RB1CC1: variants seen among roughly 807,000 people sequenced by gnomAD.
RB1CC1 encodes RB1-inducible coiled-coil protein 1.
A neutral mutation model predicts 177.5 loss-of-function variants in RB1CC1; 46 were observed. The observed-to-expected ratio is 0.26, with a 90% CI of 0.20 to 0.33. RB1CC1 has a LOEUF of 0.33. RB1CC1 is among the 10% of genes least tolerant of loss of function. The pLI is 1.00. For missense variants in RB1CC1, 1,703 were observed against 1,816.3 expected, an observed-to-expected ratio of 0.94 and a Z score of 1.13; for synonymous variants, 666 against 613.6, an observed-to-expected ratio of 1.09 and a Z score of -1.26.
At chr8:52,676,778 G>C (rs1853169398) in intron 5 of RB1CC1, among the ~76,000 whole-genome samples, 1 of 152,190 alleles carries the variant, frequency 6.6e-6, no homozygotes, top group African/African-American at 2.4e-5. Flanking sequence ...GGTATCCTAA[G>C]AGACAGTCAA....
chr8:52,648,284 G>A (rs945489668), intron 15 of RB1CC1, among the ~76,000 whole-genome samples: 57 of 152,308 alleles, frequency 3.7e-4, no homozygotes, highest in African/African-American at 1.3e-3. Context: ...TCTTGTGGCT[G>A]TATTAATCCG....
At chr8:52,682,158 T>A (rs1464519245) in intron 5 of RB1CC1, among the ~76,000 whole-genome samples, 4 of 152,140 alleles carry the variant, frequency 2.6e-5, no homozygotes, top group African/African-American at 9.7e-5. Context: ...GGAACCCACC[T>A]CTTGTATTAG....
In RB1CC1 at chr8:52,622,545, T is replaced by C. The variant is rs1848130637; in HGVS notation, c.*1237A>G. The C allele has an allele frequency of 6.6e-6, 1 of 151,990 alleles. No homozygotes were observed. The highest frequency in any genetic ancestry group is 1.5e-5 in the Non-Finnish European group (1 of 67,602). The allele number at this position is 151,990 out of a possible 1,614,324, so 9.4% of individuals were successfully genotyped here. A position where few individuals can be genotyped will look rare whatever the true frequency, so the allele number is the denominator to read the frequency against. On this transcript the variant is annotated 3_prime_UTR_variant, in exon 24 of 24. Coordinates refer to ENST00000025008, the MANE Select transcript of RB1CC1 (RefSeq NM_014781.5). Reference sequence around the variant, plus strand: ...TTATTCCATTTTGTACTATTAGATATACATATTTAAAAAAATATTTAACTT... The same window carrying C: ...TTATTCCATTTTGTACTATTAGATACACATATTTAAAAAAATATTTAACTT...
At position 52,644,942 on chromosome 8, in the gene RB1CC1, T is replaced by C. The variant is rs987239038; in HGVS notation, c.3987+760A>G. Among the ~76,000 whole-genome samples the C allele has an allele frequency of 5.9e-5, 9 of 152,302 alleles. No individual in the cohort carries two copies. The South Asian group carries it at 8.3e-4, about 14-fold the overall frequency. On this transcript the variant is annotated intron_variant, in intron 16 of 23. Transcript: ENST00000025008. ...CTGAATTCTAGCAGTAGCTACCAAA[T>C]TGCTCTTCCAGCTGACTGCTTTGCA...
chr8:52,629,070 A>C (rs1848585584), intron 21 of RB1CC1, among the ~76,000 whole-genome samples: 1 of 152,188 alleles, frequency 6.6e-6, no homozygotes, highest in Non-Finnish European at 1.5e-5. Flanking sequence ...CTCTGAAAGA[A>C]CATTAATGAA....
At chr8:52,699,858 T>TATATATAC (rs756226534) in intron 1 of RB1CC1, among the ~76,000 whole-genome samples, 113 of 102,690 alleles carry the variant, frequency 1.1e-3, no homozygotes, top group African/African-American at 1.6e-3. Context: ...TATATATATA[T>TATATATAC]ACACACAAAA....
At chr8:52,624,535 A>T (rs1848248213) in intron 23 of RB1CC1, among the ~76,000 whole-genome samples, 182 bp downstream of exon 23, 1 of 151,920 alleles carries the variant, frequency 6.6e-6, no homozygotes, top group Admixed American at 6.6e-5. Context: ...ATCTATCTCT[A>T]CTATCTAAGG....
intron 15 of RB1CC1, among the ~76,000 whole-genome samples, chr8:52,652,342 T>TG (rs1850672513): frequency 6.6e-6 from 1 of 151,788 alleles, no homozygotes; most frequent in Non-Finnish European, 1.5e-5. Flanking sequence ...GTCACGCACC[T>TG]GTAGTCCCAG....
chr8:52,641,547 C>A (rs988123957), intron 18 of RB1CC1, among the ~76,000 whole-genome samples: 4 of 152,062 alleles, frequency 2.6e-5, no homozygotes, highest in Non-Finnish European at 5.9e-5. Flanking sequence ...GTGCTAGACT[C>A]AGGACTTGAA....
chr8:52,673,166 C>A (rs536736231), intron 7 of RB1CC1, among the ~76,000 whole-genome samples: 1 of 152,266 alleles, frequency 6.6e-6, no homozygotes, highest in Non-Finnish European at 1.5e-5. Flanking sequence ...CTATTTTTAA[C>A]AATTATCTTT....
chr8:52,684,801 T>G (rs747106666), intron 3 of RB1CC1, among the ~76,000 whole-genome samples: 1 of 152,152 alleles, frequency 6.6e-6, no homozygotes, highest in Non-Finnish European at 1.5e-5. Context: ...CAATTGACTA[T>G]AGGTACTTAC....
intron 6 of RB1CC1, among the ~76,000 whole-genome samples, chr8:52,674,867 T>C (rs761962745): frequency 2.0e-5 from 3 of 152,134 alleles, no homozygotes; most frequent in Non-Finnish European, 4.4e-5. Flanking sequence ...AATTTAAATT[T>C]ACAAAAAGAT....
intron 1 of RB1CC1, among the ~76,000 whole-genome samples, chr8:52,689,245 A>G (rs181393161): frequency 1.1e-4 from 16 of 152,264 alleles, no homozygotes; most frequent in East Asian, 1.9e-4. Flanking sequence ...GATTCACCCA[A>G]TCTCTCACAT....
At chr8:52,706,998 C>G (rs757856044) in intron 1 of RB1CC1, among the ~76,000 whole-genome samples, 11 of 152,126 alleles carry the variant, frequency 7.2e-5, no homozygotes, top group African/African-American at 2.7e-4. Context: ...GAGAACAGAA[C>G]TGTGAAAAGA....
intron 22 of RB1CC1, among the ~76,000 whole-genome samples, chr8:52,626,176 CT>C (rs1315514533): frequency 6.6e-6 from 1 of 152,162 alleles, no homozygotes; most frequent in Non-Finnish European, 1.5e-5. Context: ...GTAATCCGCA[CT>C]CTCCCAAGGC....
rs917010295 is a variant in RB1CC1 at position 52,663,251 on chromosome 8, T to A, written c.1174-1532A>T. Among the ~76,000 whole-genome samples the A allele has an allele frequency of 3.9e-5, 6 of 152,196 alleles. No individual in the cohort carries two copies. The East Asian group carries it at 1.2e-3, about 29-fold the overall frequency. ...AATTTGGTTCAGGAAGAAAACTCCC[T>A]GATATTTCCTAATTTTGCTGATAAC... On this transcript the variant is annotated intron_variant, in intron 8 of 23. Transcript: ENST00000025008.
At chr8:52,627,980 A>C (rs1848513581) in intron 22 of RB1CC1, 52 bp downstream of exon 22, 1 of 1,450,870 alleles carries the variant, frequency 6.9e-7, no homozygotes, top group African/African-American at 1.5e-5. Context: ...ATCTTTACTT[A>C]TATAATTTCC....
At chr8:52,624,658 G>T in intron 23 of RB1CC1, 59 bp downstream of exon 23, 1 of 1,289,082 alleles carries the variant, frequency 7.8e-7, no homozygotes, top group Non-Finnish European at 1.1e-6. Context: ...TCTATATAAA[G>T]CAGTATTAAA....
intron 1 of RB1CC1, among the ~76,000 whole-genome samples, chr8:52,694,099 G>A (rs1855153330): frequency 6.6e-6 from 1 of 152,086 alleles, no homozygotes; most frequent in Non-Finnish European, 1.5e-5. Context: ...CAAGAACAGA[G>A]CTGAGTGTTT....
Sources: gnomAD v4.1 joint callset for allele counts (sites outside exome capture counted in the v4.1 genomes callset) on GRCh38, gnomAD v4.1.1 for gene constraint, MANE v1.5 for transcripts, NCBI Gene and HGNC (gene_info 2026-07-23, HGNC 2026-07-21) for gene names.